TESK2: variants seen among roughly 807,000 people sequenced by gnomAD.
TESK2 encodes the protein testis associated actin remodelling kinase 2, also known as dual specificity testis-specific protein kinase 2.
Under a neutral mutation model 57.1 loss-of-function variants are expected in TESK2, and 39 were observed. The observed-to-expected ratio is 0.68, with a 90% CI of 0.53 to 0.89. TESK2 has a LOEUF of 0.89. Ranked by LOEUF, TESK2 falls within the 40% of genes least tolerant of loss-of-function variation. TESK2 has a pLI of 0.00. For missense variants in TESK2, 646 were observed against 732.1 expected (o/e 0.88, Z 1.36); for synonymous variants, 249 against 267.9 (o/e 0.93, Z 0.69).
intron 9 of TESK2, 35 bp downstream of exon 9, chr1:45,346,658 C>G (rs1353728448): frequency 6.3e-7 from 1 of 1,576,348 alleles, no homozygotes; most frequent in Admixed American, 1.7e-5. Context: ...GTTCAGCCAG[C>G]CCCTGATGAA....
chr1:45,373,331 G>A (rs1648279483), intron 4 of TESK2, among the ~76,000 whole-genome samples: 1 of 152,204 alleles, frequency 6.6e-6, no homozygotes, highest in South Asian at 2.1e-4. Flanking sequence ...ACAGGACATG[G>A]TGATTGGTAA....
At chr1:45,416,390 C>T (rs979200881) in intron 3 of TESK2, among the ~76,000 whole-genome samples, 7 of 152,054 alleles carry the variant, frequency 4.6e-5, no homozygotes, top group South Asian at 2.1e-4. Flanking sequence ...CTGTCTGCCT[C>T]GGCTTCCCAA....
chr1:45,353,742 C>T (rs1248477738), intron 5 of TESK2, among the ~76,000 whole-genome samples: 2 of 152,166 alleles, frequency 1.3e-5, no homozygotes, highest in African/African-American at 2.4e-5. Flanking sequence ...TTATAGTTCC[C>T]CCATTAATAA....
chr1:45,418,595 C>T (rs1254257984), intron 3 of TESK2, among the ~76,000 whole-genome samples: 1 of 152,212 alleles, frequency 6.6e-6, no homozygotes, highest in East Asian at 1.9e-4. Context: ...TTGGCCCATA[C>T]ATAATCTCTT....
intron 1 of TESK2, among the ~76,000 whole-genome samples, chr1:45,482,602 A>G (rs1212675555): frequency 9.3e-5 from 1 of 10,780 alleles, no homozygotes; most frequent in Non-Finnish European, 1.4e-4. Context: ...TCAGCCATTA[A>G]AAAAAAAAAA....
chr1:45,395,196 C>T (rs184593767), intron 3 of TESK2, among the ~76,000 whole-genome samples: 5 of 152,270 alleles, frequency 3.3e-5, no homozygotes, highest in Admixed American at 2.0e-4. Context: ...GGGATACATT[C>T]TGAGAAATGC....
rs146929878 is a variant in TESK2 at position 45,474,323 on chromosome 1, G to A, written c.-86-16452C>T. Reference sequence around the variant, plus strand: ...TAGCCTGGGTGATGGAGTGAGATTCGGTCTCAAAAAAAAATTTTCTGGGCC... The same window carrying A: ...TAGCCTGGGTGATGGAGTGAGATTCAGTCTCAAAAAAAAATTTTCTGGGCC... On this transcript the variant is annotated intron_variant, in intron 1 of 10. Transcript: ENST00000372086. 5.6e-4 allele frequency among the ~76,000 whole-genome samples: 85 copies of A among 151,772 alleles called. No homozygotes were observed. The East Asian group carries it at 0.013, about 23-fold the overall frequency.
intron 2 of TESK2, among the ~76,000 whole-genome samples, chr1:45,440,846 T>C (rs1267416687): frequency 1.3e-5 from 2 of 152,248 alleles, no homozygotes; most frequent in South Asian, 2.1e-4. Flanking sequence ...TGTGCTGTCA[T>C]AGAGAAAAGG....
intron 4 of TESK2, among the ~76,000 whole-genome samples, chr1:45,364,037 G>T (rs1471231869): frequency 6.6e-6 from 1 of 152,140 alleles, no homozygotes; most frequent in African/African-American, 2.4e-5. Flanking sequence ...TATTATATTT[G>T]TTATTAGTGC....
intron 3 of TESK2, among the ~76,000 whole-genome samples, chr1:45,396,464 CGATGATAAT>C (rs1649361820): frequency 1.3e-5 from 2 of 151,778 alleles, no homozygotes; most frequent in Non-Finnish European, 2.9e-5. Context: ...GCACTGGCAA[CGATGATAAT>C]GATGATGGTA....
chr1:45,433,441 C>T (rs143736834), intron 2 of TESK2, among the ~76,000 whole-genome samples: 199 of 152,196 alleles, frequency 1.3e-3, no homozygotes, highest in African/African-American at 4.6e-3. Flanking sequence ...CTCTATCCCA[C>T]GCACCCTTCC....
chr1:45,373,512 A>G (rs974734164), intron 4 of TESK2, among the ~76,000 whole-genome samples: 8 of 152,234 alleles, frequency 5.3e-5, no homozygotes, highest in Admixed American at 2.6e-4. Context: ...TTCTGCCACT[A>G]TGATAGAACA....
intron 4 of TESK2, among the ~76,000 whole-genome samples, chr1:45,369,571 G>T (rs72890600): frequency 0.069 from 10,454 of 152,124 alleles, 1,246 homozygotes; most frequent in African/African-American, 0.24. Flanking sequence ...TATAGGAGAA[G>T]ATGAATGGAG....
intron 1 of TESK2, among the ~76,000 whole-genome samples, chr1:45,481,297 G>A (rs971933798): frequency 4.6e-5 from 7 of 152,024 alleles, no homozygotes; most frequent in Non-Finnish European, 8.8e-5. Flanking sequence ...CCCAGGAGGC[G>A]GAGTTTGCAG....
chr1:45,366,668 GAACA>G (rs1188514447), intron 4 of TESK2, among the ~76,000 whole-genome samples: 6 of 152,102 alleles, frequency 3.9e-5, no homozygotes, highest in Non-Finnish European at 5.9e-5. Context: ...TGAAATTGTT[GAACA>G]AACAAATACA....
chr1:45,436,376 G>A (rs12410493), intron 2 of TESK2, among the ~76,000 whole-genome samples: 37,164 of 148,988 alleles, frequency 0.25, 4,734 homozygotes, highest in East Asian at 0.36. Flanking sequence ...GTAGAGATGG[G>A]GTTTCACCAT....
At chr1:45,405,436 T>TTCTC (rs1649799174) in intron 3 of TESK2, among the ~76,000 whole-genome samples, 1 of 152,000 alleles carries the variant, frequency 6.6e-6, no homozygotes, top group Non-Finnish European at 1.5e-5. Flanking sequence ...AAAAACCTAA[T>TTCTC]TAAGAGGCAT....
chr1:45,414,396 C>A (rs930450122), intron 3 of TESK2, among the ~76,000 whole-genome samples: 1 of 152,032 alleles, frequency 6.6e-6, no homozygotes, highest in African/African-American at 2.4e-5. Context: ...AGTTCCTGTG[C>A]CAGAGGCTTT....
intron 1 of TESK2, among the ~76,000 whole-genome samples, chr1:45,486,362 T>C (rs1241357631): frequency 6.6e-6 from 1 of 152,194 alleles, no homozygotes; most frequent in African/African-American, 2.4e-5. Flanking sequence ...ATAAATACTT[T>C]CATACAGGGA....
Sources: allele counts gnomAD v4.1 joint callset (sites outside exome capture counted in the v4.1 genomes callset), GRCh38; gene constraint gnomAD v4.1.1; transcripts MANE v1.5; gene names NCBI Gene and HGNC (gene_info 2026-07-23, HGNC 2026-07-21).